TSHZ2: variants seen among roughly 807,000 people sequenced by gnomAD.
TSHZ2 encodes the protein teashirt zinc finger homeobox 2, also known as teashirt homolog 2.
Under a neutral mutation model 74.4 loss-of-function variants are expected in TSHZ2, and 21 were observed. The observed-to-expected ratio is 0.28, with a 90% CI of 0.20 to 0.41. TSHZ2 has a LOEUF of 0.41. TSHZ2 is among the 10% of genes least tolerant of loss of function. TSHZ2 has a pLI of 1.00. For synonymous variants in TSHZ2, 540 were observed against 515.3 expected (o/e 1.05, Z -0.65); for missense variants, 1,244 against 1,293.5 (o/e 0.96, Z 0.59).
chr20:53,454,687 A>C (rs1984978391), intron 2 of TSHZ2, among the ~76,000 whole-genome samples: 1 of 152,120 alleles, frequency 6.6e-6, no homozygotes, highest in African/African-American at 2.4e-5. Context: ...CCTTTCTCAA[A>C]GTAGCCCCAT....
At chr20:53,330,300 T>C (rs953945105) in intron 2 of TSHZ2, among the ~76,000 whole-genome samples, 21 of 152,204 alleles carry the variant, frequency 1.4e-4, no homozygotes, top group Admixed American at 1.2e-3. Context: ...TGCATAACTA[T>C]AGGGCAATAA....
rs529766022 is a variant in TSHZ2 at position 53,006,826 on chromosome 20, G to A, written c.40+33493G>A. 1.2e-4 allele frequency among the ~76,000 whole-genome samples: 18 copies of A among 152,192 alleles called. No homozygotes were observed. The South Asian group carries it at 3.5e-3, about 30-fold the overall frequency. On this transcript the variant is annotated intron_variant, in intron 1 of 2. Coordinates refer to ENST00000371497, the MANE Select transcript of TSHZ2 (RefSeq NM_173485.6). ...TTAATCTGTCATGTTGGGTGGTGGT[G>A]GGGTAGGGTGCTATGGTTTATTTTG...
chr20:53,053,971 C>T (rs1250357419), intron 1 of TSHZ2, among the ~76,000 whole-genome samples: 9 of 152,264 alleles, frequency 5.9e-5, no homozygotes, highest in African/African-American at 2.2e-4. Context: ...TTCTTGACCA[C>T]GTATCCAATA....
intron 2 of TSHZ2, among the ~76,000 whole-genome samples, chr20:53,357,853 C>A (rs1980902349): frequency 6.6e-6 from 1 of 152,264 alleles, no homozygotes; most frequent in South Asian, 2.1e-4. Context: ...CACAAGGAGA[C>A]CTTCTGACTC....
At chr20:53,198,156 A>C (rs1056945299) in intron 1 of TSHZ2, 1 of 152,212 alleles carries the variant, frequency 6.6e-6, no homozygotes, top group Non-Finnish European at 1.5e-5. Context: ...ACACCTTCTC[A>C]CTCAGCATAC....
intron 2 of TSHZ2, among the ~76,000 whole-genome samples, chr20:53,390,103 T>A (rs1391358940): frequency 6.6e-6 from 1 of 152,232 alleles, no homozygotes; most frequent in Admixed American, 6.5e-5. Context: ...AATATTAACC[T>A]TGCAAATGTG....
At chr20:53,097,938 G>A (rs910003103) in intron 1 of TSHZ2, 2 of 152,200 alleles carry the variant, frequency 1.3e-5, no homozygotes, top group Admixed American at 1.3e-4. Context: ...GAATAGTGTG[G>A]CGTTTTAGAT....
At chr20:53,423,963 G>A (rs565233040) in intron 2 of TSHZ2, among the ~76,000 whole-genome samples, 95 of 152,310 alleles carry the variant, frequency 6.2e-4, no homozygotes, top group Admixed American at 1.8e-3. Flanking sequence ...ACACCCCGAC[G>A]ACGCGCAGGA....
intron 1 of TSHZ2, among the ~76,000 whole-genome samples, chr20:53,019,911 T>C (rs1408453779): frequency 1.3e-5 from 2 of 152,176 alleles, no homozygotes; most frequent in Admixed American, 1.3e-4. Flanking sequence ...TGAGACTGGG[T>C]AATTTATAAA....
intron 1 of TSHZ2, among the ~76,000 whole-genome samples, chr20:53,105,357 T>C (rs1600691999): frequency 6.6e-6 from 1 of 152,224 alleles, no homozygotes. Flanking sequence ...TTGTAGAATG[T>C]TTAGCGGCAT....
chr20:53,164,004 A>G (rs1282230664), intron 1 of TSHZ2, among the ~76,000 whole-genome samples: 1 of 152,246 alleles, frequency 6.6e-6, no homozygotes, highest in Admixed American at 6.5e-5. Flanking sequence ...TTTATGTAAC[A>G]TCATCAAGTA....
At chr20:53,059,517 T>A (rs1055092474) in intron 1 of TSHZ2, among the ~76,000 whole-genome samples, 2 of 151,696 alleles carry the variant, frequency 1.3e-5, no homozygotes, top group Non-Finnish European at 2.9e-5. Context: ...GATAACAGAG[T>A]CTTACAGATG....
In TSHZ2 at chr20:53,255,750, C is replaced by T; in HGVS notation, c.2292C>T (p.Pro764=). The change falls in exon 2 of 3, where the codon CCC becomes CCT. Residue 764 remains proline, a synonymous_variant. Coordinates refer to ENST00000371497, the MANE Select transcript of TSHZ2 (RefSeq NM_173485.6). The surrounding 1 kb of genome is among the most constrained non-coding windows in gnomAD (Gnocchi z 4.1). ...RRYLFENSDQ[P]IDLTKSKSKK... is the part of the protein sequence containing the mutation. ...ACCTGTTTGAGAACAGCGATCAGCC[C>T]ATTGACCTGACCAAGTCCAAAAGCA... 1.2e-6 allele frequency: 2 copies of T among 1,613,936 alleles called. No homozygotes were observed. The highest frequency in any genetic ancestry group is 8.5e-7 in the Non-Finnish European group (1 of 1,179,938).
chr20:53,250,093 C>T (rs901717466), intron 1 of TSHZ2, among the ~76,000 whole-genome samples: 7 of 152,090 alleles, frequency 4.6e-5, no homozygotes, highest in African/African-American at 1.7e-4. Context: ...CTCATGTGGC[C>T]AGAGTCAAGC....
intron 1 of TSHZ2, among the ~76,000 whole-genome samples, chr20:53,154,988 T>A (rs1226197488): frequency 6.6e-6 from 1 of 150,606 alleles, no homozygotes; most frequent in Non-Finnish European, 1.5e-5. Context: ...CGATGTAAGT[T>A]GAAAAAAAAA....
At chr20:53,209,569 C>A (rs180840549) in intron 1 of TSHZ2, among the ~76,000 whole-genome samples, 2 of 152,102 alleles carry the variant, frequency 1.3e-5, no homozygotes, top group Non-Finnish European at 2.9e-5. Context: ...ACTATCTAGC[C>A]GTAAAAAAGA....
chr20:53,215,824 C>T (rs1037160662), intron 1 of TSHZ2, among the ~76,000 whole-genome samples: 5 of 149,720 alleles, frequency 3.3e-5, no homozygotes, highest in African/African-American at 4.9e-5. Context: ...GCCGAGGTCG[C>T]GCCATTGCAC....
At chr20:53,475,924 TC>T (rs1208605870) in intron 2 of TSHZ2, among the ~76,000 whole-genome samples, 2 of 123,108 alleles carry the variant, frequency 1.6e-5, no homozygotes, top group Non-Finnish European at 3.3e-5. Flanking sequence ...ATGGATAAAT[TC>T]CTCGACACAT....
In TSHZ2 at chr20:53,105,411, A is replaced by G. The variant is rs1172541533; in HGVS notation, c.40+132078A>G. 2.0e-5 allele frequency among the ~76,000 whole-genome samples: 3 copies of G among 152,302 alleles called. No homozygotes were observed. The South Asian group carries it at 6.2e-4, about 32-fold the overall frequency. The stretch of plus-strand genomic sequence containing the variant: ...GGATGCTGGTAGCAGCCCCTTTAAT[A>G]GTGGTGATAATTAAACTGCTTTCAG... On this transcript the variant is annotated intron_variant, in intron 1 of 2. Coordinates refer to ENST00000371497, the MANE Select transcript of TSHZ2 (RefSeq NM_173485.6).
Sources: gnomAD v4.1 joint callset for allele counts (sites outside exome capture counted in the v4.1 genomes callset) on GRCh38, gnomAD v4.1.1 for gene constraint, Gnocchi (gnomAD v3.1) non-coding constraint, MANE v1.5 for transcripts, NCBI Gene and HGNC (gene_info 2026-07-23, HGNC 2026-07-21) for gene names.